Variants in MON2 observed in about 807,000 individuals in gnomAD.
MON2 encodes MON2 regulator of endosome-to-Golgi trafficking.
A neutral mutation model predicts 208.6 loss-of-function variants in MON2; 84 were observed. That is an observed-to-expected ratio of 0.40 (90% CI 0.34 to 0.48). MON2 has a LOEUF of 0.48. MON2 is among the 20% of genes least tolerant of loss of function. The pLI, the probability that MON2 is intolerant of heterozygous loss-of-function variation, is 0.59. For synonymous variants in MON2, 660 were observed against 694.0 expected, an observed-to-expected ratio of 0.95 and a Z score of 0.77; for missense variants, 1,611 against 2,015.4, an observed-to-expected ratio of 0.80 and a Z score of 3.84.
intron 1 of MON2, among the ~76,000 whole-genome samples, chr12:62,472,083 C>T (rs986039266): frequency 2.6e-5 from 4 of 152,104 alleles, no homozygotes; most frequent in Admixed American, 6.6e-5. Flanking sequence ...TCTTGGAACA[C>T]TTAAGAGTCT....
chr12:62,476,188 T>C (rs1172055638), intron 1 of MON2, among the ~76,000 whole-genome samples: 3 of 152,054 alleles, frequency 2.0e-5, no homozygotes, highest in African/African-American at 7.2e-5. Flanking sequence ...TTTTAGAAGG[T>C]TTTAGGGTTG....
At chr12:62,569,927 T>C (rs2074525414) in intron 29 of MON2, among the ~76,000 whole-genome samples, 2 of 152,320 alleles carry the variant, frequency 1.3e-5, no homozygotes, top group Admixed American at 6.5e-5. Context: ...GATGATGATA[T>C]TTGGTTTTAT....
intron 1 of MON2, among the ~76,000 whole-genome samples, chr12:62,480,498 C>T (rs1388980169): frequency 6.6e-6 from 1 of 152,106 alleles, no homozygotes; most frequent in Non-Finnish European, 1.5e-5. Context: ...CCTAGGGGTC[C>T]GTGCTGCAGT....
chr12:62,522,463 A>G (rs1006342617), intron 8 of MON2, among the ~76,000 whole-genome samples: 1 of 152,214 alleles, frequency 6.6e-6, no homozygotes, highest in Non-Finnish European at 1.5e-5. Flanking sequence ...TTTAATAGAT[A>G]TCTATGTGAT....
At position 62,571,502 on chromosome 12, in the gene MON2, G is replaced by A. The variant is rs2074596280; in HGVS notation, c.4434G>A (p.Arg1478=). 1.9e-6 allele frequency: 3 copies of A among 1,613,848 alleles called. No homozygotes were observed. Among genetic ancestry groups the A allele is most frequent in the African/African-American group, 2.7e-5 (2 of 74,892 alleles). ...TTTCTATTGGGCTACCTGTTGCCCG[G>A]CAGCATGCTTCTTCTGGAAAATTTG... ...RVLSIGLPVA[R]QHASSGKFDS... Residue 1478 remains arginine (R), a synonymous_variant, in exon 30 of 35, where the codon CGG becomes CGA. Coordinates refer to ENST00000393630, the MANE Select transcript of MON2 (RefSeq NM_015026.3).
chr12:62,505,218 A>G (rs906422831), intron 7 of MON2, among the ~76,000 whole-genome samples: 3 of 152,244 alleles, frequency 2.0e-5, no homozygotes, highest in African/African-American at 7.2e-5. Context: ...TTTTTATCAC[A>G]AAGGACACAT....
intron 8 of MON2, among the ~76,000 whole-genome samples, chr12:62,522,659 T>C (rs1022261948): frequency 1.3e-5 from 2 of 152,308 alleles, no homozygotes; most frequent in East Asian, 3.9e-4. Context: ...ATACCATAAG[T>C]GCTAATCTTA....
In MON2 at chr12:62,511,909, T is replaced by C. The variant is rs191723333; in HGVS notation, c.984+3429T>C. ...TATTGGACTTACAGTTCCATGTGGC[T>C]GGGGAGGCCTCACAATCATGGCTGA... is the stretch of plus-strand genomic sequence containing the variant. On this transcript the variant is annotated intron_variant, in intron 8 of 34. Transcript: ENST00000393630. Among the ~76,000 whole-genome samples the C allele has an allele frequency of 8.5e-4, 129 of 152,308 alleles. 1 individual carries two copies. The East Asian group carries it at 0.021, about 25-fold the overall frequency.
chr12:62,587,914 T>A (rs2075270599), intron 33 of MON2, 160 bp from the exon 34 acceptor site: 1 of 526,622 alleles, frequency 1.9e-6, no homozygotes, highest in Non-Finnish European at 3.4e-6. Flanking sequence ...AATAAAATGA[T>A]TTTTACTTTT....
chr12:62,491,652 T>G (rs2136037275), intron 2 of MON2, among the ~76,000 whole-genome samples: 1 of 152,256 alleles, frequency 6.6e-6, no homozygotes, highest in Non-Finnish European at 1.5e-5. Flanking sequence ...TTAGAAGACA[T>G]ACGGTATTTT....
intron 2 of MON2, among the ~76,000 whole-genome samples, chr12:62,486,770 A>G (rs903468897): frequency 6.6e-6 from 1 of 152,184 alleles, no homozygotes; most frequent in African/African-American, 2.4e-5. Context: ...ATAGGAGACT[A>G]TACTACTTTT....
intron 29 of MON2, among the ~76,000 whole-genome samples, chr12:62,568,845 G>T (rs1231884451): frequency 6.6e-6 from 1 of 151,906 alleles, no homozygotes; most frequent in African/African-American, 2.4e-5. Context: ...TAGAGACGGG[G>T]TTTCACCTTG....
chr12:62,514,910 T>C (rs1219739972), intron 8 of MON2, among the ~76,000 whole-genome samples: 1 of 152,192 alleles, frequency 6.6e-6, no homozygotes, highest in Non-Finnish European at 1.5e-5. Context: ...ATTAGAGAAA[T>C]GCAGAGCAAA....
At chr12:62,537,334 T>A in intron 15 of MON2, 71 bp downstream of exon 15, 3 of 1,048,820 alleles carry the variant, frequency 2.9e-6, no homozygotes. Context: ...TCTTTGTGTT[T>A]GCCAAAATGT....
At chr12:62,488,994 TATA>T (rs1003287217) in intron 2 of MON2, among the ~76,000 whole-genome samples, 1 of 152,050 alleles carries the variant, frequency 6.6e-6, no homozygotes, top group African/African-American at 2.4e-5. Flanking sequence ...GAACTTAAAC[TATA>T]ATAAAGAAAA....
At chr12:62,491,762 A>C (rs2070155610) in intron 2 of MON2, among the ~76,000 whole-genome samples, 1 of 152,208 alleles carries the variant, frequency 6.6e-6, no homozygotes, top group East Asian at 1.9e-4. Flanking sequence ...GAAACATATT[A>C]ACACATAAAA....
intron 2 of MON2, among the ~76,000 whole-genome samples, chr12:62,490,712 T>A (rs2070078160): frequency 6.6e-6 from 1 of 152,196 alleles, no homozygotes; most frequent in African/African-American, 2.4e-5. Context: ...TTTATTGTTT[T>A]GTTGATCATT....
intron 1 of MON2, chr12:62,470,612 A>G (rs2068748616): frequency 4.5e-6 from 2 of 440,476 alleles, no homozygotes; most frequent in Admixed American, 1.2e-4. Flanking sequence ...TGTGATTAAT[A>G]TTCAGTGGCC....
chr12:62,501,601 C>T lies in MON2; in HGVS notation c.692C>T (p.Ala231Val), dbSNP rs1473597003. 1 of 1,613,876 alleles carries T rather than the reference C, an allele frequency of 6.2e-7. No individual in the cohort carries two copies. The highest frequency in any genetic ancestry group is 8.5e-7 in the Non-Finnish European group (1 of 1,179,900). Residue 231 changes from alanine (A) to valine (V), a missense_variant, in exon 7 of 35, where the codon GCT becomes GTT. Physicochemically the swap from Ala to Val is moderately conservative, Grantham distance 64 (BLOSUM62 0). Transcript: ENST00000393630. ...CTTTGTCAGTTGGTTAATGCTGATG[C>T]TCCTTATTGGCTAGTGGGCATGACA... ...QDLCQLVNAD[A>V]PYWLVGMTEM... is the part of the protein sequence containing the mutation.
Sources: gnomAD v4.1 joint callset for allele counts (sites outside exome capture counted in the v4.1 genomes callset) on GRCh38, gnomAD v4.1.1 for gene constraint, MANE v1.5 for transcripts, NCBI Gene and HGNC (gene_info 2026-07-23, HGNC 2026-07-21) for gene names.